Variants in RANBP2 observed in about 807,000 individuals in gnomAD.
RANBP2 encodes the protein RAN binding protein 2, also known as E3 SUMO-protein ligase RanBP2.
A neutral mutation model predicts 303.6 loss-of-function variants in RANBP2; 57 were observed. The observed-to-expected ratio is 0.19, with a 90% CI of 0.15 to 0.23. RANBP2 has a LOEUF of 0.23. Among genes scored for constraint, RANBP2 ranks in the 10% least tolerant of loss-of-function variants. RANBP2 has a pLI of 1.00. For synonymous variants in RANBP2, 1,167 were observed against 1,301.5 expected (o/e 0.90, Z 2.23); for missense variants, 3,138 against 3,780.8 (o/e 0.83, Z 4.46).
chr2:109,112,780 G>A, the RANBP2 span, among the ~76,000 whole-genome samples: 1 of 152,184 alleles, frequency 6.6e-6, no homozygotes, highest in Non-Finnish European at 1.5e-5. Context: ...TAATATTTAA[G>A]TCTTTAATCC....
In RANBP2 at chr2:108,764,497, G is replaced by A. The variant is rs576153620; in HGVS notation, c.3958G>A (p.Val1320Ile). ...TNVAMASNQA[V>I]RIVKEPTSHD... is the part of the protein sequence containing the mutation. ...TGTAGCCATGGCGTCAAATCAGGCT[G>A]TCAGAATTGTAAAAGAACCCACAAG... The change falls in exon 20 of 29, where the codon GTC becomes ATC. Residue 1320 changes from valine to isoleucine, a missense_variant. Val to Ile is a conservative substitution (Grantham distance 29, BLOSUM62 3). This residue lies in a region of RANBP2 where 388 missense variants were observed against 328.5 expected (regional missense o/e 1.18). Coordinates refer to ENST00000283195, the MANE Select transcript of RANBP2 (RefSeq NM_006267.5). 13 of 1,613,944 alleles carry A rather than the reference G, an allele frequency of 8.1e-6. No homozygotes were observed. In the African/African-American group the frequency reaches 9.3e-5, roughly 12 times the overall value.
the RANBP2 span, among the ~76,000 whole-genome samples, chr2:109,301,150 A>G: frequency 6.6e-6 from 1 of 152,232 alleles, no homozygotes; most frequent in Non-Finnish European, 1.5e-5. Context: ...TGCAAGCCTT[A>G]GATTAGTCCA....
chr2:109,008,630 C>A, the RANBP2 span, among the ~76,000 whole-genome samples: 3,309 of 150,166 alleles, frequency 0.022, 58 homozygotes, highest in Middle Eastern at 0.093. Flanking sequence ...AGGCTGGGTG[C>A]GGTGGCTCAC....
At chr2:109,551,229 T>C in the RANBP2 span, among the ~76,000 whole-genome samples, 4 of 152,206 alleles carry the variant, frequency 2.6e-5, no homozygotes, top group African/African-American at 4.8e-5. Flanking sequence ...AAGCTACATA[T>C]AGAAATATGG....
At chr2:109,208,189 T>C in the RANBP2 span, among the ~76,000 whole-genome samples, 2 of 152,262 alleles carry the variant, frequency 1.3e-5, no homozygotes, top group Non-Finnish European at 2.9e-5. Flanking sequence ...GGCACCTACC[T>C]GGCTCTGCTG....
At chr2:109,215,306 C>T in the RANBP2 span, among the ~76,000 whole-genome samples, 1 of 152,154 alleles carries the variant, frequency 6.6e-6, no homozygotes, top group African/African-American at 2.4e-5. Flanking sequence ...AATAAGTCTT[C>T]ATTATACAAT....
chr2:109,142,603 C>A, the RANBP2 span, among the ~76,000 whole-genome samples: 20 of 152,258 alleles, frequency 1.3e-4, no homozygotes, highest in Admixed American at 1.2e-3. Context: ...TCACCAGAAG[C>A]CTCTCTGGGT....
chr2:109,250,243 G>C, the RANBP2 span, among the ~76,000 whole-genome samples: 1 of 152,104 alleles, frequency 6.6e-6, no homozygotes, highest in Non-Finnish European at 1.5e-5. Context: ...ACTGAACCAA[G>C]TTACGAGAAT....
the RANBP2 span, among the ~76,000 whole-genome samples, chr2:109,604,363 G>T: frequency 2.8e-5 from 2 of 71,778 alleles, no homozygotes; most frequent in Non-Finnish European, 5.4e-5. Flanking sequence ...GAAAAAGAAA[G>T]AAAGGAAAGA....
At chr2:109,453,592 C>G in the RANBP2 span, among the ~76,000 whole-genome samples, 1 of 152,192 alleles carries the variant, frequency 6.6e-6, no homozygotes, top group Non-Finnish European at 1.5e-5. Flanking sequence ...ATCACTCACT[C>G]TCTTACTTGT....
At chr2:109,721,441 AG>A in the RANBP2 span, among the ~76,000 whole-genome samples, 1 of 152,222 alleles carries the variant, frequency 6.6e-6, no homozygotes, top group Non-Finnish European at 1.5e-5. Context: ...TAATGAGATC[AG>A]GGATGCCTCC....
chr2:109,109,097 C>G, the RANBP2 span, among the ~76,000 whole-genome samples: 1 of 152,226 alleles, frequency 6.6e-6, no homozygotes, highest in Non-Finnish European at 1.5e-5. Flanking sequence ...GCTTTCTGCA[C>G]TAGACAGGAG....
At chr2:109,433,026 C>A in the RANBP2 span, among the ~76,000 whole-genome samples, 5 of 152,250 alleles carry the variant, frequency 3.3e-5, no homozygotes. Context: ...GTATGCTATG[C>A]GTGTGCAGTG....
the RANBP2 span, among the ~76,000 whole-genome samples, chr2:109,511,528 C>G: frequency 6.6e-6 from 1 of 152,208 alleles, no homozygotes; most frequent in Non-Finnish European, 1.5e-5. Context: ...CTGAAGGTGC[C>G]TGGACCACAT....
chr2:109,479,467 C>T, the RANBP2 span, among the ~76,000 whole-genome samples: 2 of 152,134 alleles, frequency 1.3e-5, no homozygotes, highest in Admixed American at 6.5e-5. Context: ...CAGCTGCCTC[C>T]GGTTTGGTAC....
chr2:109,337,323 T>A, the RANBP2 span, among the ~76,000 whole-genome samples: 2 of 152,222 alleles, frequency 1.3e-5, no homozygotes, highest in Admixed American at 1.3e-4. Flanking sequence ...GGGTGCAGGG[T>A]GCATCGGGCT....
chr2:108,796,720 C>T, the RANBP2 span, among the ~76,000 whole-genome samples: 1 of 152,040 alleles, frequency 6.6e-6, no homozygotes, highest in Non-Finnish European at 1.5e-5. Context: ...AAGCCAGGCA[C>T]AGAAGGACAG....
chr2:108,807,282 C>T, the RANBP2 span, among the ~76,000 whole-genome samples: 2 of 151,810 alleles, frequency 1.3e-5, no homozygotes, highest in Admixed American at 1.3e-4. Context: ...TCCATTTTTG[C>T]CTATATAATA....
the RANBP2 span, among the ~76,000 whole-genome samples, chr2:109,573,500 C>T: frequency 6.6e-6 from 1 of 152,118 alleles, no homozygotes; most frequent in Non-Finnish European, 1.5e-5. Flanking sequence ...TAAGCTACAT[C>T]AATTTTTGCT....
Sources: gnomAD v4.1 joint callset for allele counts (sites outside exome capture counted in the v4.1 genomes callset) on GRCh38, gnomAD v4.1.1 for gene constraint, gnomAD v4.1.1 regional missense constraint, MANE v1.5 for transcripts, NCBI Gene and HGNC (gene_info 2026-07-23, HGNC 2026-07-21) for gene names.